Variants in CNTNAP2 observed in about 807,000 individuals in gnomAD.
The protein encoded by CNTNAP2 is contactin-associated protein-like 2.
CNTNAP2 carries 98 observed loss-of-function variants against 155.2 expected under a neutral mutation model. The observed-to-expected ratio is 0.63, with a 90% CI of 0.54 to 0.75. The LOEUF is 0.75. Among genes scored for constraint, CNTNAP2 ranks in the 30% least tolerant of loss-of-function variants. The pLI, the probability that CNTNAP2 is intolerant of heterozygous loss-of-function variation, is 0.00. For synonymous variants in CNTNAP2, 651 were observed against 631.2 expected (o/e 1.03, Z -0.47); for missense variants, 1,727 against 1,688.1 (o/e 1.02, Z -0.40).
intron 1 of CNTNAP2, among the ~76,000 whole-genome samples, chr7:146,402,106 T>C (rs1795723137): frequency 6.6e-6 from 1 of 152,204 alleles, no homozygotes. Flanking sequence ...TATGTTCATA[T>C]ATAATGATCT....
chr7:147,980,872 A>G (rs7776548), intron 15 of CNTNAP2, among the ~76,000 whole-genome samples: 2 of 140,484 alleles, frequency 1.4e-5, no homozygotes, highest in African/African-American at 5.3e-5. Flanking sequence ...CGGAGCTTGC[A>G]GTGAGCAGAG....
intron 1 of CNTNAP2, among the ~76,000 whole-genome samples, chr7:146,479,557 AG>A (rs1341595546): frequency 6.6e-6 from 1 of 152,136 alleles, no homozygotes; most frequent in African/African-American, 2.4e-5. Flanking sequence ...AAGCATAAAA[AG>A]AAAAAAGAAC....
intron 1 of CNTNAP2, among the ~76,000 whole-genome samples, chr7:146,561,312 A>G (rs954995683): frequency 2.0e-5 from 3 of 152,204 alleles, no homozygotes; most frequent in Non-Finnish European, 2.9e-5. Context: ...AAAAGGGGCC[A>G]TTACAAAAGT....
chr7:146,560,393 A>G (rs557384955), intron 1 of CNTNAP2, among the ~76,000 whole-genome samples: 109 of 152,114 alleles, frequency 7.2e-4, no homozygotes, highest in Middle Eastern at 3.4e-3. Flanking sequence ...GTATATATGT[A>G]TGTGTATATG....
chr7:146,671,786 CTTTCT>C (rs979557336), intron 1 of CNTNAP2, among the ~76,000 whole-genome samples: 31 of 151,768 alleles, frequency 2.0e-4, no homozygotes, highest in African/African-American at 3.9e-4. Flanking sequence ...ACAGTATTCT[CTTTCT>C]TTTCTTTTCT....
At chr7:146,696,815 A>G (rs1185874181) in intron 1 of CNTNAP2, among the ~76,000 whole-genome samples, 1 of 152,090 alleles carries the variant, frequency 6.6e-6, no homozygotes. Flanking sequence ...AATATTTTGG[A>G]ATTTTCAGCT....
chr7:147,444,322 A>C (rs1195860210), intron 10 of CNTNAP2, among the ~76,000 whole-genome samples: 1 of 152,196 alleles, frequency 6.6e-6, no homozygotes, highest in Non-Finnish European at 1.5e-5. Flanking sequence ...AGATGAGATA[A>C]AACAAGTTGC....
intron 1 of CNTNAP2, among the ~76,000 whole-genome samples, chr7:146,362,940 T>G (rs1457283616): frequency 6.6e-6 from 1 of 151,856 alleles, no homozygotes; most frequent in East Asian, 1.9e-4. Flanking sequence ...CCAGCTAATT[T>G]TTGTATTTTT....
At chr7:146,828,263 A>T (rs1466760437) in intron 2 of CNTNAP2, among the ~76,000 whole-genome samples, 2 of 152,104 alleles carry the variant, frequency 1.3e-5, no homozygotes, top group African/African-American at 4.8e-5. Context: ...TGGTGTAAAT[A>T]AATGGTGTAA....
chr7:146,144,842 A>G (rs1364866599), intron 1 of CNTNAP2, among the ~76,000 whole-genome samples: 2 of 152,116 alleles, frequency 1.3e-5, no homozygotes, highest in Non-Finnish European at 2.9e-5. Flanking sequence ...TTATAACTGC[A>G]GCTAAATGGA....
chr7:146,741,510 C>A (rs767877730), intron 1 of CNTNAP2, among the ~76,000 whole-genome samples: 1 of 152,010 alleles, frequency 6.6e-6, no homozygotes, highest in Non-Finnish European at 1.5e-5. Flanking sequence ...AGTGTATTGG[C>A]AATAAGCTTG....
At chr7:146,223,343 G>A (rs942264117) in intron 1 of CNTNAP2, among the ~76,000 whole-genome samples, 2 of 152,184 alleles carry the variant, frequency 1.3e-5, no homozygotes, top group Non-Finnish European at 2.9e-5. Flanking sequence ...TATTTATAAG[G>A]AGGAAAGCTG....
In CNTNAP2 at chr7:146,555,761, A is replaced by T. The variant is rs543650459; in HGVS notation, c.98-218510A>T. The stretch of plus-strand genomic sequence containing the variant: ...AGTTGATTGTGTGGTAGAAAAACAG[A>T]GCCTTTGGCATCAGAAGGACTGAGT... On this transcript the variant is annotated intron_variant, in intron 1 of 23. Coordinates refer to ENST00000361727, the MANE Select transcript of CNTNAP2 (RefSeq NM_014141.6). 3.9e-5 allele frequency among the ~76,000 whole-genome samples: 6 copies of T among 152,310 alleles called. No homozygotes were observed. The South Asian group carries it at 1.2e-3, about 32-fold the overall frequency.
intron 1 of CNTNAP2, among the ~76,000 whole-genome samples, chr7:146,262,989 G>A (rs1799942008): frequency 6.6e-6 from 1 of 152,138 alleles, no homozygotes; most frequent in Admixed American, 6.5e-5. Context: ...TAGTGGGGTA[G>A]TAAGAAGAAC....
intron 14 of CNTNAP2, among the ~76,000 whole-genome samples, chr7:147,948,008 G>T (rs941377418): frequency 6.6e-6 from 1 of 151,940 alleles, no homozygotes; most frequent in Admixed American, 6.6e-5. Flanking sequence ...TTTCTGTACA[G>T]AATTTTTTTA....
intron 9 of CNTNAP2, among the ~76,000 whole-genome samples, chr7:147,340,931 C>T (rs1795750502): frequency 6.6e-6 from 1 of 151,946 alleles, no homozygotes; most frequent in Non-Finnish European, 1.5e-5. Flanking sequence ...CCTTACTCTC[C>T]CCAGCTCTCA....
chr7:147,033,160 GTATATATATATATATATATATATATA>G (rs3081742), intron 3 of CNTNAP2, among the ~76,000 whole-genome samples: 33 of 90,858 alleles, frequency 3.6e-4, no homozygotes, highest in Non-Finnish European at 6.1e-4. Flanking sequence ...ATATATATAT[GTATATATATATATATATATATATATA>G]TATATATATA....
At chr7:146,493,043 C>A (rs1475238795) in intron 1 of CNTNAP2, among the ~76,000 whole-genome samples, 1 of 152,124 alleles carries the variant, frequency 6.6e-6, no homozygotes, top group East Asian at 1.9e-4. Flanking sequence ...TCCAGGCAGA[C>A]ATATCTAAAT....
chr7:148,010,896 T>A (rs536787717), intron 15 of CNTNAP2, among the ~76,000 whole-genome samples: 1 of 152,252 alleles, frequency 6.6e-6, no homozygotes, highest in Non-Finnish European at 1.5e-5. Context: ...TAGTGATACA[T>A]CTTCATAATA....
Sources: allele counts gnomAD v4.1 joint callset (sites outside exome capture counted in the v4.1 genomes callset), GRCh38; gene constraint gnomAD v4.1.1; transcripts MANE v1.5; gene names NCBI Gene and HGNC (gene_info 2026-07-23, HGNC 2026-07-21).